Variants in STK32B observed in about 807,000 individuals in gnomAD.
The protein encoded by STK32B is serine/threonine kinase 32B.
A neutral mutation model predicts 52.6 loss-of-function variants in STK32B; 43 were observed. The ratio of observed to expected loss-of-function variants is 0.82; its 90% confidence interval spans 0.64 to 1.05. The LOEUF (loss-of-function observed/expected upper bound fraction) is 1.05. STK32B is among the 50% of genes least tolerant of loss of function. STK32B has a pLI of 0.00. For missense variants in STK32B, 621 were observed against 534.6 expected, an observed-to-expected ratio of 1.16 and a Z score of -1.59; for synonymous variants, 238 against 204.3, an observed-to-expected ratio of 1.17 and a Z score of -1.41.
chr4:5,375,933 C>G (rs756044127), intron 4 of STK32B, among the ~76,000 whole-genome samples: 1 of 152,300 alleles, frequency 6.6e-6, no homozygotes, highest in African/African-American at 2.4e-5. Flanking sequence ...CAGACCTTGG[C>G]TTACTCCCCT....
intron 6 of STK32B, 126 bp from the exon 7 acceptor site, chr4:5,446,547 A>C (rs1325636831): frequency 2.6e-6 from 2 of 768,794 alleles, no homozygotes; most frequent in Non-Finnish European, 4.1e-6. Flanking sequence ...GCAGAGCAAA[A>C]CTCTATCTCA....
intron 6 of STK32B, among the ~76,000 whole-genome samples, chr4:5,445,305 C>G (rs1051128351): frequency 3.9e-5 from 6 of 152,280 alleles, no homozygotes; most frequent in Admixed American, 1.3e-4. Flanking sequence ...GTTTCCATGC[C>G]GAGTGAATGC....
At chr4:5,213,980 G>A (rs1454013980) in intron 3 of STK32B, among the ~76,000 whole-genome samples, 3 of 152,200 alleles carry the variant, frequency 2.0e-5, no homozygotes, top group African/African-American at 7.2e-5. Flanking sequence ...ACAGTTTGAA[G>A]CTTGGCTTTT....
At position 5,300,793 on chromosome 4, in the gene STK32B, A is replaced by G. The variant is rs566715721; in HGVS notation, c.261-30427A>G. Reference sequence around the variant, plus strand: ...ATTGCTGAAAGAAATCATAGATGACATAAACAAATGGAAAAACATTACATG... The same window carrying G: ...ATTGCTGAAAGAAATCATAGATGACGTAAACAAATGGAAAAACATTACATG... On this transcript the variant is annotated intron_variant, in intron 3 of 11. Transcript: ENST00000282908. 7.9e-4 allele frequency among the ~76,000 whole-genome samples: 120 copies of G among 152,328 alleles called. 3 individuals are homozygous for G. The highest frequency in any genetic ancestry group is 7.6e-3 in the Admixed American group (116 of 15,298).
chr4:5,441,853 C>T (rs1378279770), intron 6 of STK32B, among the ~76,000 whole-genome samples: 7 of 134,818 alleles, frequency 5.2e-5, no homozygotes, highest in Admixed American at 1.6e-4. Context: ...GCCTTCATTT[C>T]GTTATGTACC....
upstream of STK32B, among the ~76,000 whole-genome samples, chr4:5,049,469 T>C (rs1010534663): frequency 2.0e-5 from 3 of 152,040 alleles, no homozygotes; most frequent in Non-Finnish European, 2.9e-5. Flanking sequence ...CGAAGAGAGA[T>C]ATGGGTGGGG....
At chr4:5,435,866 A>G (rs1376094976) in intron 6 of STK32B, 1 of 152,316 alleles carries the variant, frequency 6.6e-6, no homozygotes, top group East Asian at 1.9e-4. Flanking sequence ...GATGGTAAGG[A>G]AGTGATAATA....
chr4:5,071,501 A>G (rs1163344037), intron 1 of STK32B, among the ~76,000 whole-genome samples: 1 of 152,208 alleles, frequency 6.6e-6, no homozygotes, highest in Non-Finnish European at 1.5e-5. Flanking sequence ...TTTAAGTGGT[A>G]TAAGATATTT....
intron 5 of STK32B, among the ~76,000 whole-genome samples, chr4:5,415,931 T>C (rs16837167): frequency 0.088 from 13,449 of 152,194 alleles, 1,889 homozygotes; most frequent in African/African-American, 0.3. Flanking sequence ...AAAGTCAATT[T>C]TGCATGTGCC....
In STK32B at chr4:5,355,644, C is replaced by G. The variant is rs571033104; in HGVS notation, c.434+24251C>G. Among the ~76,000 whole-genome samples the G allele has an allele frequency of 4.4e-3, 665 of 152,170 alleles. 3 individuals carry two copies. Among genetic ancestry groups the G allele is most frequent in the African/African-American group, 0.015 (636 of 41,514 alleles). On this transcript the variant is annotated intron_variant, in intron 4 of 11. Transcript: ENST00000282908. The stretch of plus-strand genomic sequence containing the variant: ...GATGTTTAGGTGGAGCTGTGGCTTC[C>G]CCACCCTAGATGCCTGAAGCATCTC...
intron 4 of STK32B, among the ~76,000 whole-genome samples, chr4:5,358,701 G>GCGCGCGCACATACA (rs151338728): frequency 1.9e-5 from 2 of 106,736 alleles, no homozygotes; most frequent in Non-Finnish European, 4.0e-5. Context: ...TCACACACAT[G>GCGCGCGCACATACA]CACACACACA....
intron 7 of STK32B, among the ~76,000 whole-genome samples, chr4:5,450,520 C>A (rs111801203): frequency 3.9e-5 from 6 of 152,216 alleles, no homozygotes; most frequent in African/African-American, 1.2e-4. Flanking sequence ...AATTATTTTC[C>A]CCTTACTCAG....
intron 2 of STK32B, among the ~76,000 whole-genome samples, chr4:5,143,054 C>A (rs1046707332): frequency 6.6e-6 from 1 of 152,168 alleles, no homozygotes; most frequent in African/African-American, 2.4e-5. Flanking sequence ...CAAGCCCCTA[C>A]AGTTGTGTGA....
In STK32B at chr4:5,398,498, A is replaced by T. The variant is rs1055600917; in HGVS notation, c.472+254A>T. 2.6e-5 allele frequency among the ~76,000 whole-genome samples: 4 copies of T among 152,138 alleles called. No individual in the cohort carries two copies. Among genetic ancestry groups the T allele is most frequent in the Admixed American group, 6.5e-5 (1 of 15,270 alleles). On this transcript the variant is annotated intron_variant, in intron 5 of 11. Coordinates refer to ENST00000282908, the MANE Select transcript of STK32B (RefSeq NM_018401.3). This position sits in a 1 kb window ranked among gnomAD's most constrained non-coding sequence, Gnocchi z 4.9. ...CTGTTCATATCCCCGTGTGAGGAGG[A>T]CAGGGCCGCCGTGAGGATGAGCCCG...
intron 3 of STK32B, among the ~76,000 whole-genome samples, chr4:5,219,501 G>A (rs1441651570): frequency 1.3e-5 from 2 of 152,256 alleles, no homozygotes; most frequent in Non-Finnish European, 2.9e-5. Context: ...AGTTGGTGGT[G>A]TTTGTGAAGA....
intron 4 of STK32B, among the ~76,000 whole-genome samples, chr4:5,346,466 C>T (rs948056222): frequency 6.6e-6 from 1 of 152,158 alleles, no homozygotes; most frequent in Non-Finnish European, 1.5e-5. Flanking sequence ...AAACCTCTGA[C>T]TTAGTTCCCC....
At chr4:5,428,134 G>A (rs971031519) in intron 6 of STK32B, among the ~76,000 whole-genome samples, 12 of 152,066 alleles carry the variant, frequency 7.9e-5, no homozygotes, top group South Asian at 6.3e-4. Flanking sequence ...TAGGCCAGGC[G>A]TGATGGCTTA....
At chr4:5,433,886 T>C (rs1375405414) in intron 6 of STK32B, among the ~76,000 whole-genome samples, 3 of 152,236 alleles carry the variant, frequency 2.0e-5, no homozygotes, top group Non-Finnish European at 4.4e-5. Context: ...TCCCACCACA[T>C]GCACATCTAC....
intron 6 of STK32B, among the ~76,000 whole-genome samples, chr4:5,427,455 A>G (rs1168459874): frequency 6.6e-6 from 1 of 152,196 alleles, no homozygotes; most frequent in Non-Finnish European, 1.5e-5. Context: ...AAATATGCCC[A>G]AGATTGGTAT....
Sources: gnomAD v4.1 joint callset for allele counts (sites outside exome capture counted in the v4.1 genomes callset) on GRCh38, gnomAD v4.1.1 for gene constraint, Gnocchi (gnomAD v3.1) non-coding constraint, MANE v1.5 for transcripts, NCBI Gene and HGNC (gene_info 2026-07-23, HGNC 2026-07-21) for gene names.